Variants in BTBD9 observed in about 807,000 individuals in gnomAD.
BTBD9 encodes BTB domain containing 9.
A neutral mutation model predicts 64.3 loss-of-function variants in BTBD9; 49 were observed. The observed-to-expected ratio is 0.76, with a 90% CI of 0.61 to 0.97. The LOEUF is 0.97. BTBD9 is among the 50% of genes least tolerant of loss of function. The probability of loss-of-function intolerance (pLI) is 0.00; values close to 1 mark genes in which losing one functional copy is unlikely to be tolerated. For missense variants in BTBD9, 598 were observed against 762.1 expected, an observed-to-expected ratio of 0.78 and a Z score of 2.53; for synonymous variants, 260 against 274.7, an observed-to-expected ratio of 0.95 and a Z score of 0.53.
intron 6 of BTBD9, among the ~76,000 whole-genome samples, chr6:38,421,332 G>A (rs1297555843): frequency 1.3e-5 from 2 of 152,084 alleles, no homozygotes; most frequent in East Asian, 3.8e-4. Context: ...CTCCAGCCTG[G>A]GAGACAGAGC....
intron 4 of BTBD9, among the ~76,000 whole-genome samples, chr6:38,592,357 T>C (rs1776833470): frequency 6.6e-6 from 1 of 152,090 alleles, no homozygotes. Flanking sequence ...TGTCCAGGAA[T>C]GGCAAGAAAT....
intron 6 of BTBD9, among the ~76,000 whole-genome samples, chr6:38,401,823 T>A (rs1451909079): frequency 2.0e-5 from 3 of 152,192 alleles, no homozygotes; most frequent in Admixed American, 6.5e-5. Flanking sequence ...AAAGTTAGCA[T>A]TAAATGAGAA....
At chr6:38,586,270 A>G (rs981783584) in intron 4 of BTBD9, among the ~76,000 whole-genome samples, 10 of 151,366 alleles carry the variant, frequency 6.6e-5, no homozygotes, top group Non-Finnish European at 1.2e-4. Flanking sequence ...ATATCCTAAG[A>G]AAAAAAAATT....
intron 7 of BTBD9, among the ~76,000 whole-genome samples, chr6:38,312,257 T>G (rs1164136388): frequency 6.6e-6 from 1 of 152,248 alleles, no homozygotes; most frequent in South Asian, 2.1e-4. Context: ...TCGGATTATT[T>G]GATTGTTTTC....
chr6:38,467,303 A>G (rs1041133648), intron 6 of BTBD9, among the ~76,000 whole-genome samples: 2 of 152,198 alleles, frequency 1.3e-5, no homozygotes, highest in African/African-American at 2.4e-5. Context: ...CTTCCCCTAC[A>G]GCTAAGAGAG....
rs908071306 is a variant in BTBD9 at position 38,552,942 on chromosome 6, C to T, written c.1154+24658G>A. Among the ~76,000 whole-genome samples, 4 of 152,108 alleles carry T rather than the reference C, an allele frequency of 2.6e-5. No individual in the cohort carries two copies. In the South Asian group the frequency reaches 8.3e-4, roughly 32 times the overall value. ...TCAAAATCTACAGATGCTCAAGTAC[C>T]TTACATCAAATGGCACAGTATTTGT... On this transcript the variant is annotated intron_variant, in intron 6 of 10. Coordinates refer to ENST00000481247, the MANE Select transcript of BTBD9 (RefSeq NM_001099272.2).
chr6:38,449,590 C>G (rs961582727), intron 6 of BTBD9, among the ~76,000 whole-genome samples: 12 of 151,846 alleles, frequency 7.9e-5, no homozygotes, highest in African/African-American at 2.9e-4. Context: ...TGAAATTAGA[C>G]CCTTATTTCT....
intron 1 of BTBD9, among the ~76,000 whole-genome samples, chr6:38,627,273 TTC>T: frequency 6.6e-6 from 1 of 152,184 alleles, no homozygotes; most frequent in Non-Finnish European, 1.5e-5. Context: ...TAAAATTAAA[TTC>T]TCATAATCCA....
chr6:38,602,210 C>A (rs1038746965), intron 1 of BTBD9, among the ~76,000 whole-genome samples: 3 of 151,856 alleles, frequency 2.0e-5, no homozygotes, highest in Admixed American at 2.0e-4. Flanking sequence ...AAGGTATTGG[C>A]TAGCCATTTG....
At chr6:38,354,590 T>A (rs1764644132) in intron 6 of BTBD9, among the ~76,000 whole-genome samples, 1 of 152,132 alleles carries the variant, frequency 6.6e-6, no homozygotes, top group African/African-American at 2.4e-5. Flanking sequence ...AATGTATTGA[T>A]AGAAAACAAG....
rs187327831 is a variant in BTBD9, at chr6:38,461,179, G to T, written c.1155-116086C>A. ...GTTTGCTTTTAACAACTTTATTGAG[G>T]ATTAATGGAAACAAACTGTACGTAT... On this transcript the variant is annotated intron_variant, in intron 6 of 10. Transcript: ENST00000481247. Among the ~76,000 whole-genome samples the T allele has an allele frequency of 9.5e-4, 144 of 152,232 alleles. 1 individual carries two copies. The highest frequency in any genetic ancestry group is 1.8e-3 in the Non-Finnish European group (121 of 68,016).
At chr6:38,295,485 A>T (rs922235799) in intron 7 of BTBD9, among the ~76,000 whole-genome samples, 1 of 152,090 alleles carries the variant, frequency 6.6e-6, no homozygotes, top group African/African-American at 2.4e-5. Flanking sequence ...TTTCTTGTTT[A>T]TAAGTTCTTT....
chr6:38,632,059 C>T (rs868659244), intron 1 of BTBD9, among the ~76,000 whole-genome samples: 123 of 152,158 alleles, frequency 8.1e-4, no homozygotes, highest in African/African-American at 2.9e-3. Flanking sequence ...ACCCAGGGGG[C>T]GGAGGTTGCT....
intron 9 of BTBD9, among the ~76,000 whole-genome samples, chr6:38,226,665 A>G (rs1050240849): frequency 6.6e-6 from 1 of 152,230 alleles, no homozygotes; most frequent in Non-Finnish European, 1.5e-5. Context: ...ACAAGTATTA[A>G]AAATGCTCAA....
At chr6:38,487,996 TA>T (rs1771533610) in intron 6 of BTBD9, among the ~76,000 whole-genome samples, 3 of 152,158 alleles carry the variant, frequency 2.0e-5, no homozygotes, top group Admixed American at 2.0e-4. Flanking sequence ...TAATAGAGAA[TA>T]AAGTCCCTAG....
At chr6:38,262,888 G>A (rs1252203699) in intron 8 of BTBD9, among the ~76,000 whole-genome samples, 1 of 152,162 alleles carries the variant, frequency 6.6e-6, no homozygotes, top group Admixed American at 6.6e-5. Flanking sequence ...TAACAGTTGA[G>A]GTCAACAGCT....
intron 6 of BTBD9, among the ~76,000 whole-genome samples, chr6:38,553,005 T>G (rs1272082907): frequency 6.6e-6 from 1 of 152,228 alleles, no homozygotes; most frequent in Non-Finnish European, 1.5e-5. Context: ...TACACATTTT[T>G]TTCTTCAATC....
intron 6 of BTBD9, among the ~76,000 whole-genome samples, chr6:38,459,598 G>A (rs1314333103): frequency 2.6e-5 from 4 of 152,204 alleles, no homozygotes; most frequent in South Asian, 2.1e-4. Flanking sequence ...GAGAGCCTAC[G>A]AGGAACAGAA....
intron 6 of BTBD9, among the ~76,000 whole-genome samples, chr6:38,346,064 T>A (rs1464946276): frequency 6.6e-6 from 1 of 152,194 alleles, no homozygotes; most frequent in Admixed American, 6.5e-5. Context: ...AACTATGCAC[T>A]CTGAAGGATG....
Sources: gnomAD v4.1 joint callset for allele counts (sites outside exome capture counted in the v4.1 genomes callset) on GRCh38, gnomAD v4.1.1 for gene constraint, MANE v1.5 for transcripts, NCBI Gene and HGNC (gene_info 2026-07-23, HGNC 2026-07-21) for gene names.